PCDHGB1: variants seen among roughly 807,000 people sequenced by gnomAD.
The protein encoded by PCDHGB1 is protocadherin gamma subfamily B, 1, also known as protocadherin gamma-B1.
Under a neutral mutation model 56.6 loss-of-function variants are expected in PCDHGB1, and 34 were observed. That is an observed-to-expected ratio of 0.60 (90% CI 0.46 to 0.80). PCDHGB1 has a LOEUF of 0.80. Among genes scored for constraint, PCDHGB1 ranks in the 30% least tolerant of loss-of-function variants. The pLI, the probability that PCDHGB1 is intolerant of heterozygous loss-of-function variation, is 0.00. For missense variants in PCDHGB1, 1,278 were observed against 1,204.6 expected (o/e 1.06, Z -0.90); for synonymous variants, 561 against 505.9 (o/e 1.11, Z -1.46).
At position 141,410,301 on chromosome 5, in the gene PCDHGB1, C is replaced by A. The variant is rs1294760427; in HGVS notation, c.2409+57632C>A. ...CTGGTGGTGGCCTTGGCCTTAATCT[C>A]AGTGCTCTTCCTCCTCGCCGTGATT... On this transcript the variant is annotated intron_variant, in intron 1 of 3. Transcript: ENST00000523390. 2.5e-6 allele frequency: 4 copies of A among 1,614,030 alleles called. No individual in the cohort carries two copies. In the Admixed American group the frequency reaches 6.7e-5, roughly 27 times the overall value.
At chr5:141,421,211 T>A (rs866635411) in intron 1 of PCDHGB1, 8 of 1,541,100 alleles carry the variant, frequency 5.2e-6, no homozygotes. Flanking sequence ...CCGCGGAATA[T>A]CGGCTTAGAG....
chr5:141,488,793 C>G (rs1274193018), intron 1 of PCDHGB1, among the ~76,000 whole-genome samples: 1 of 152,172 alleles, frequency 6.6e-6, no homozygotes, highest in African/African-American at 2.4e-5. Context: ...TTTGTCTTCC[C>G]TGTTGAGTAC....
intron 1 of PCDHGB1, among the ~76,000 whole-genome samples, chr5:141,443,696 T>C (rs1293017505): frequency 6.6e-6 from 1 of 152,308 alleles, no homozygotes; most frequent in Admixed American, 6.5e-5. Context: ...TCAAAAATTA[T>C]AGAATAACAT....
chr5:141,364,947 C>T (rs761720184), intron 1 of PCDHGB1: 2 of 1,613,944 alleles, frequency 1.2e-6, no homozygotes, highest in African/African-American at 1.3e-5. Flanking sequence ...GAGAAAGAGA[C>T]TGTTCACGAC....
At chr5:141,481,860 G>A (rs1379910129) in intron 1 of PCDHGB1, among the ~76,000 whole-genome samples, 1 of 148,492 alleles carries the variant, frequency 6.7e-6, no homozygotes, top group Non-Finnish European at 1.5e-5. Context: ...GTTGCAGTGA[G>A]CCGAGATCGC....
chr5:141,414,946 C>T, intron 1 of PCDHGB1: 1 of 1,614,102 alleles, frequency 6.2e-7, no homozygotes, highest in East Asian at 2.2e-5. Context: ...GCCCGGCTAC[C>T]TGGTGACCAA....
intron 1 of PCDHGB1, chr5:141,404,766 C>T (rs1489047184): frequency 6.2e-7 from 1 of 1,613,940 alleles, no homozygotes; most frequent in East Asian, 2.2e-5. Flanking sequence ...GCTTGGCTCT[C>T]CTACCGCCTA....
intron 1 of PCDHGB1, 41 bp from the exon 2 acceptor site, chr5:141,494,766 C>T (rs1017994327): frequency 6.2e-7 from 1 of 1,614,038 alleles, no homozygotes; most frequent in Non-Finnish European, 8.5e-7. Flanking sequence ...ATTCTAACTT[C>T]TCACGGGTAC....
chr5:141,467,476 G>C (rs114088806), intron 1 of PCDHGB1, among the ~76,000 whole-genome samples: 1,866 of 152,156 alleles, frequency 0.012, 41 homozygotes, highest in African/African-American at 0.043. Flanking sequence ...CATGGTTTTT[G>C]GTTTCCACAT....
rs763187246 is a variant in PCDHGB1 at position 141,477,168 on chromosome 5, A to G, written c.2410-17639A>G. ...GTGGATGTGAATGACAACGCCCCGGAGATCACAGTCACCTCCGTGTACAGC... is the reference window on the plus strand; with the variant it reads ...GTGGATGTGAATGACAACGCCCCGGGGATCACAGTCACCTCCGTGTACAGC... On this transcript the variant is annotated intron_variant, in intron 1 of 3. Transcript: ENST00000523390. The surrounding 1 kb of genome is among the most constrained non-coding windows in gnomAD (Gnocchi z 4.9). The G allele has an allele frequency of 6.2e-7, 1 of 1,614,210 alleles. No homozygotes were observed. Among genetic ancestry groups the G allele is most frequent in the Non-Finnish European group, 8.5e-7 (1 of 1,180,040 alleles).
chr5:141,511,358 G>T lies in PCDHGB1; in HGVS notation c.*185G>T, dbSNP rs905197337. 1.5e-6 allele frequency: 2 copies of T among 1,355,398 alleles called. No homozygotes were observed. Among genetic ancestry groups the T allele is most frequent in the East Asian group, 2.5e-5 (1 of 39,588 alleles). The allele number at this position is 1,355,398 out of a possible 1,614,324, so 84.0% of individuals were successfully genotyped here. ...GCACCTACCCCTTCCCCCCCAGGGGGTTGAATATGCAAAAGCAGTTCCGCT... is the reference window on the plus strand; with the variant it reads ...GCACCTACCCCTTCCCCCCCAGGGGTTTGAATATGCAAAAGCAGTTCCGCT... On this transcript the variant is annotated 3_prime_UTR_variant, in exon 4 of 4. Coordinates refer to ENST00000523390, the MANE Select transcript of PCDHGB1 (RefSeq NM_018922.3).
intron 1 of PCDHGB1, chr5:141,409,819 G>A (rs781534809): frequency 1.2e-6 from 2 of 1,610,356 alleles, no homozygotes; most frequent in African/African-American, 2.7e-5. Context: ...ACCACGGCTC[G>A]CCCACGCTCA....
At position 141,381,826 on chromosome 5, in the gene PCDHGB1, CTTT is replaced by C. The variant is rs770630741; in HGVS notation, c.2409+29177_2409+29179del. Among the ~76,000 whole-genome samples the C allele has an allele frequency of 8.4e-3, 625 of 74,256 alleles. 6 individuals are homozygous for C. Among genetic ancestry groups the C allele is most frequent in the African/African-American group, 0.035 (569 of 16,164 alleles). 48.7% of individuals were successfully genotyped at this position (74,256 alleles called of 152,430 possible). On this transcript the variant is annotated intron_variant, in intron 1 of 3. Transcript: ENST00000523390. ...TTTCTTTCTTTCTTTCTTTCTTCTT[CTTT>C]TTTTTTTTTTTTTTTTTTTGGCAGA...
intron 3 of PCDHGB1, among the ~76,000 whole-genome samples, chr5:141,509,633 GA>G (rs2099877629): frequency 6.6e-6 from 1 of 152,204 alleles, no homozygotes; most frequent in Non-Finnish European, 1.5e-5. Flanking sequence ...GGGTGATGCT[GA>G]GCCAGGGCCA....
intron 1 of PCDHGB1, chr5:141,408,955 TA>T: frequency 2.5e-6 from 4 of 1,613,616 alleles, no homozygotes; most frequent in Non-Finnish European, 3.4e-6. Flanking sequence ...GAATTAGTCT[TA>T]GTGAAAATCT....
In PCDHGB1 at chr5:141,489,053, G is replaced by C; in HGVS notation, c.2410-5754G>C. 1 of 473,650 alleles carries C rather than the reference G, an allele frequency of 2.1e-6. No homozygotes were observed. Among genetic ancestry groups the C allele is most frequent in the Non-Finnish European group, 3.7e-6 (1 of 270,732 alleles). The allele number at this position is 473,650 out of a possible 1,614,324, so 29.3% of individuals were successfully genotyped here. A position where few individuals can be genotyped will look rare whatever the true frequency, so the allele number is the denominator to read the frequency against. On this transcript the variant is annotated intron_variant, in intron 1 of 3. Transcript: ENST00000523390. The surrounding 1 kb of genome is among the most constrained non-coding windows in gnomAD (Gnocchi z 4.5). ...AGCTCCCCAGCTCCACTCAAATTCA[G>C]CTCCCCTCCCCCCTGCCCACCCCCG...
chr5:141,413,045 G>A, intron 1 of PCDHGB1: 1 of 894,362 alleles, frequency 1.1e-6, no homozygotes, highest in South Asian at 1.9e-5. Flanking sequence ...CTGGGCTGCA[G>A]GGAAGCTCAC....
chr5:141,478,856 T>G (rs1372487685), intron 1 of PCDHGB1: 2 of 1,353,224 alleles, frequency 1.5e-6, no homozygotes, highest in Non-Finnish European at 2.0e-6. Flanking sequence ...AAACACAAGA[T>G]CTCAGCGATC....
intron 1 of PCDHGB1, 148 bp from the exon 2 acceptor site, chr5:141,494,659 T>C (rs749872848): frequency 2.3e-4 from 343 of 1,488,556 alleles, no homozygotes; most frequent in Non-Finnish European, 2.9e-4. Flanking sequence ...ATTTTGTCTT[T>C]GGAGATGAGT....
Sources: gnomAD v4.1 joint callset for allele counts (sites outside exome capture counted in the v4.1 genomes callset) on GRCh38, gnomAD v4.1.1 for gene constraint, Gnocchi (gnomAD v3.1) non-coding constraint, MANE v1.5 for transcripts, NCBI Gene and HGNC (gene_info 2026-07-23, HGNC 2026-07-21) for gene names.